TET3: variants seen among roughly 807,000 people sequenced by gnomAD.
TET3 encodes the protein tet methylcytosine dioxygenase 3.
A neutral mutation model predicts 141.4 loss-of-function variants in TET3; 19 were observed. The observed-to-expected ratio is 0.13, with a 90% CI of 0.09 to 0.20. The LOEUF is 0.20. Among genes scored for constraint, TET3 ranks in the 10% least tolerant of loss-of-function variants. The pLI, the probability that TET3 is intolerant of heterozygous loss-of-function variation, is 1.00. For missense variants in TET3, 1,874 were observed against 2,356.9 expected (o/e 0.80, Z 4.24); for synonymous variants, 1,043 against 980.9 (o/e 1.06, Z -1.18).
intron 3 of TET3, among the ~76,000 whole-genome samples, chr2:74,005,947 G>A (rs1349580199): frequency 6.6e-6 from 1 of 152,104 alleles, no homozygotes; most frequent in Non-Finnish European, 1.5e-5. Flanking sequence ...GAGAACACCG[G>A]GCCGCCCTGC....
chr2:74,096,936 A>G (rs568444402), intron 10 of TET3, among the ~76,000 whole-genome samples: 64 of 151,972 alleles, frequency 4.2e-4, no homozygotes, highest in African/African-American at 1.5e-3. Context: ...TACAAAAAAT[A>G]CCAAAAATTT....
At chr2:74,123,700 G>A in the TET3 span, among the ~76,000 whole-genome samples, 1 of 150,980 alleles carries the variant, frequency 6.6e-6, no homozygotes, top group African/African-American at 2.4e-5. Flanking sequence ...AGTGAGGAGC[G>A]TTTTTCTGCC....
intron 4 of TET3, among the ~76,000 whole-genome samples, chr2:74,065,078 T>C (rs1272547175): frequency 3.3e-5 from 5 of 152,226 alleles, no homozygotes; most frequent in African/African-American, 9.6e-5. Flanking sequence ...GATAGATCCA[T>C]CTAAGCAAGT....
chr2:74,033,870 C>T lies in TET3; in HGVS notation c.361-12408C>T, dbSNP rs138093363. On this transcript the variant is annotated intron_variant, in intron 3 of 11. Transcript: ENST00000409262. Reference sequence around the variant, plus strand: ...CAGCACTTTGGGAGGCTGAGGCGGGCGGATCACCTGAGGTCAGGAATTCGA... The same window carrying T: ...CAGCACTTTGGGAGGCTGAGGCGGGTGGATCACCTGAGGTCAGGAATTCGA... 7.6e-4 allele frequency among the ~76,000 whole-genome samples: 115 copies of T among 152,046 alleles called. 1 individual carries two copies. Among genetic ancestry groups the T allele is most frequent in the South Asian group, 6.2e-3 (30 of 4,816 alleles).
At chr2:74,005,081 G>A (rs1008338517) in intron 3 of TET3, among the ~76,000 whole-genome samples, 10 of 152,140 alleles carry the variant, frequency 6.6e-5, no homozygotes, top group South Asian at 2.1e-4. Flanking sequence ...ACCCCCTTCC[G>A]CTGTAGTGAT....
intron 3 of TET3, among the ~76,000 whole-genome samples, chr2:74,010,459 A>G (rs981319206): frequency 3.3e-4 from 50 of 152,206 alleles, no homozygotes; most frequent in African/African-American, 1.1e-3. Flanking sequence ...CCATGCTTCA[A>G]CTTGCCAAGA....
chr2:74,118,852 C>T, the TET3 span, among the ~76,000 whole-genome samples: 1 of 152,150 alleles, frequency 6.6e-6, no homozygotes, highest in African/African-American at 2.4e-5. Context: ...AAAATTATTG[C>T]ACCCAGGAAA....
In TET3 at chr2:74,101,442, T is replaced by C. The variant is rs771466828; in HGVS notation, c.4654T>C (p.Phe1552Leu). Residue 1552 changes from phenylalanine to leucine, a missense_variant, in exon 12 of 12, where the codon TTC becomes CTC. By Grantham distance (22) the Phe-to-Leu change is conservative. This residue lies in a region of TET3 where 602 missense variants were observed against 590.2 expected (regional missense o/e 1.02). Coordinates refer to ENST00000409262, the MANE Select transcript of TET3 (RefSeq NM_001287491.2). The surrounding 1 kb of genome is among the most constrained non-coding windows in gnomAD (Gnocchi z 8.5). Reference protein sequence around the residue: ...FNSALKGSPGFQDKLWNPMKG... With the variant: ...FNSALKGSPGLQDKLWNPMKG... ...CTCGGCCCTGAAAGGTAGTCCTGGG[T>C]TCCAAGACAAGCTGTGGAACCCCAT... 1 of 1,612,880 alleles carries C rather than the reference T, an allele frequency of 6.2e-7. No homozygotes were observed. Among genetic ancestry groups the C allele is most frequent in the East Asian group, 2.2e-5 (1 of 44,790 alleles).
chr2:74,001,539 T>A (rs1166364894), intron 2 of TET3, among the ~76,000 whole-genome samples: 1 of 152,114 alleles, frequency 6.6e-6, no homozygotes, highest in African/African-American at 2.4e-5. Flanking sequence ...ACCAGCTAGG[T>A]AGTGATGGAG....
chr2:74,101,946 G>C lies in TET3; in HGVS notation c.5158G>C (p.Ala1720Pro). The C allele has an allele frequency of 6.2e-7, 1 of 1,612,394 alleles. No homozygotes were observed. The highest frequency in any genetic ancestry group is 8.5e-7 in the Non-Finnish European group (1 of 1,179,066). The change falls in exon 12 of 12, where the codon GCA becomes CCA. Residue 1720 changes from alanine (A) to proline (P), a missense_variant. This residue lies in a region of TET3 where 113 missense variants were observed against 114.3 expected (regional missense o/e 0.99). Transcript: ENST00000409262. The surrounding 1 kb of genome is among the most constrained non-coding windows in gnomAD (Gnocchi z 8.5). The part of the protein sequence containing the change: ...EAKMKQLAER[A>P]RARQEEAARL... ...CAAGATGAAGCAGCTGGCGGAGAGG[G>C]CACGGGCACGGCAGGAGGAGGCTGC...
chr2:74,011,970 G>A (rs1329925419), intron 3 of TET3, among the ~76,000 whole-genome samples: 1 of 151,844 alleles, frequency 6.6e-6, no homozygotes, highest in Non-Finnish European at 1.5e-5. Context: ...TTTGTTTTTT[G>A]TTTTTTGTGA....
At chr2:73,992,871 G>A (rs1037989045) in intron 2 of TET3, among the ~76,000 whole-genome samples, 27 of 152,280 alleles carry the variant, frequency 1.8e-4, no homozygotes, top group South Asian at 6.2e-4. Flanking sequence ...AAACTTTGAG[G>A]GTGCTTGTGG....
At chr2:74,060,880 A>G (rs1460642337) in intron 4 of TET3, among the ~76,000 whole-genome samples, 1 of 152,252 alleles carries the variant, frequency 6.6e-6, no homozygotes, top group Non-Finnish European at 1.5e-5. Context: ...TTTTCTTAGT[A>G]CAGAACAAAG....
intron 5 of TET3, among the ~76,000 whole-genome samples, chr2:74,078,923 C>T (rs1307657354): frequency 6.6e-6 from 1 of 152,154 alleles, no homozygotes; most frequent in Non-Finnish European, 1.5e-5. Flanking sequence ...ACAGGAGACT[C>T]TTAGTGGCAC....
intron 3 of TET3, among the ~76,000 whole-genome samples, chr2:74,029,707 T>C (rs1686567375): frequency 1.3e-5 from 2 of 152,360 alleles, no homozygotes; most frequent in African/African-American, 2.4e-5. Context: ...TCTGTCTCTC[T>C]CAGCAACTTC....
Position 74,105,550 on chromosome 2 carries a change from C to G in TET3, c.*3374C>G. The G allele has an allele frequency of 5.0e-6, 2 of 398,056 alleles. No homozygotes were observed. The highest frequency in any genetic ancestry group is 8.9e-6 in the Non-Finnish European group (2 of 225,348). 24.7% of individuals were successfully genotyped at this position (398,056 alleles called of 1,614,324 possible). A position where few individuals can be genotyped will look rare whatever the true frequency, so the allele number is the denominator to read the frequency against. On this transcript the variant is annotated 3_prime_UTR_variant, in exon 12 of 12. Coordinates refer to ENST00000409262, the MANE Select transcript of TET3 (RefSeq NM_001287491.2). ...TTTAGCAGGGCCAATGTTTCCCACA[C>G]CCCGGCTTCATGGGTACTGCTTTGC...
At position 74,102,436 on chromosome 2, in the gene TET3, A is replaced by G; in HGVS notation, c.*260A>G. The G allele has an allele frequency of 2.9e-6, 1 of 341,416 alleles. No homozygotes were observed. The highest frequency in any genetic ancestry group is 5.0e-5 in the Admixed American group (1 of 19,804). The allele number at this position is 341,416 out of a possible 1,614,324, so 21.1% of individuals were successfully genotyped here. On this transcript the variant is annotated 3_prime_UTR_variant, in exon 12 of 12. Transcript: ENST00000409262. ...ATTTTTCCGTGATCTTAATATTTAT[A>G]TCTCCAAGTTGTCCCCCCCCCTTGT...
At chr2:74,135,258 A>G in the TET3 span, 6 of 460,004 alleles carry the variant, frequency 1.3e-5, no homozygotes, top group African/African-American at 9.7e-5. Flanking sequence ...AAGAGGCCTG[A>G]GCAGTTTCGT....
At chr2:74,114,256 T>C in the TET3 span, among the ~76,000 whole-genome samples, 9 of 151,576 alleles carry the variant, frequency 5.9e-5, no homozygotes, top group Non-Finnish European at 8.8e-5. Flanking sequence ...AGCTAAGCTA[T>C]GAGGACAGAA....
Sources: gnomAD v4.1 joint callset for allele counts (sites outside exome capture counted in the v4.1 genomes callset) on GRCh38, gnomAD v4.1.1 for gene constraint, gnomAD v4.1.1 regional missense constraint, Gnocchi (gnomAD v3.1) non-coding constraint, MANE v1.5 for transcripts, NCBI Gene and HGNC (gene_info 2026-07-23, HGNC 2026-07-21) for gene names.